The following GOLGA3 variants were observed in gnomAD, a reference collection of about 807,000 sequenced individuals.
GOLGA3 encodes the protein golgin subfamily A member 3.
Under a neutral mutation model 169.4 loss-of-function variants are expected in GOLGA3, and 75 were observed. The ratio of observed to expected loss-of-function variants is 0.44; its 90% CI spans 0.37 to 0.54. The LOEUF is 0.54. Ranked by LOEUF, GOLGA3 falls within the 20% of genes least tolerant of loss-of-function variation. GOLGA3 has a pLI of 0.00. For synonymous variants in GOLGA3, 824 were observed against 822.4 expected (o/e 1.00, Z -0.03); for missense variants, 1,899 against 1,930.0 (o/e 0.98, Z 0.30).
At position 132,788,519 on chromosome 12, in the gene GOLGA3, C is replaced by G. The variant is rs2046046992; in HGVS notation, c.2811+508G>C. Among the ~76,000 whole-genome samples the G allele has an allele frequency of 3.9e-5, 6 of 152,294 alleles. No individual in the cohort carries two copies. In the South Asian group the frequency reaches 6.2e-4, roughly 16 times the overall value. ...CTGTCACCAGCATCTCGGACACCCA[C>G]TGTGTGCAGAAGCCAGCCCAGGCTC... On this transcript the variant is annotated intron_variant, in intron 13 of 23. Coordinates refer to ENST00000450791, the MANE Select transcript of GOLGA3 (RefSeq NM_001389683.1).
chr12:132,813,642 G>T (rs1282517652), intron 3 of GOLGA3, among the ~76,000 whole-genome samples: 1 of 152,044 alleles, frequency 6.6e-6, no homozygotes, highest in African/African-American at 2.4e-5. Context: ...CAGTGGCCAG[G>T]CACTGGGTCT....
In GOLGA3 at chr12:132,780,901, A is replaced by G. The variant is rs201621334; in HGVS notation, c.3479T>C (p.Leu1160Ser). ...VQLNLQVQAVLQRKEEEDRQM... is the reference protein window; with the variant it reads ...VQLNLQVQAVSQRKEEEDRQM... ...GCGATCCTCCTCTTCTTTGCGCTGCAAAACTGCCTGCACCTAGATCAGATT... is the reference window on the plus strand; with the variant it reads ...GCGATCCTCCTCTTCTTTGCGCTGCGAAACTGCCTGCACCTAGATCAGATT... Residue 1160 changes from leucine to serine, a missense_variant, in exon 18 of 24, where the codon TTG becomes TCG. Physicochemically the swap from Leu to Ser is moderately radical, Grantham distance 145. Coordinates refer to ENST00000450791, the MANE Select transcript of GOLGA3 (RefSeq NM_001389683.1). 1.9e-6 allele frequency: 3 copies of G among 1,610,940 alleles called. No individual in the cohort carries two copies. The highest frequency in any genetic ancestry group is 2.5e-6 in the Non-Finnish European group (3 of 1,179,680).
At chr12:132,792,396 G>A (rs992129156) in intron 11 of GOLGA3, among the ~76,000 whole-genome samples, 2 of 152,260 alleles carry the variant, frequency 1.3e-5, no homozygotes, top group Non-Finnish European at 2.9e-5. Flanking sequence ...AGGCGAGCGA[G>A]CAGGGCTGTT....
chr12:132,780,711 G>A lies in GOLGA3; in HGVS notation c.3582+87C>T, dbSNP rs147041257. 5.9e-3 allele frequency: 4,848 copies of A among 820,538 alleles called. 30 individuals carry two copies. Among genetic ancestry groups the A allele is most frequent in the South Asian group, 0.01 (715 of 70,690 alleles). 50.8% of individuals were successfully genotyped at this position (820,538 alleles called of 1,614,324 possible). On this transcript the variant is annotated intron_variant, in intron 18 of 23. Transcript: ENST00000450791. ...CTTTGCTCTGTGTAACTGCTGGAAG[G>A]AGGCTGGTGTGTGAAGGACCCTGCA...
At chr12:132,786,654 CCTG>C in intron 14 of GOLGA3, 36 bp downstream of exon 14, 1 of 1,491,206 alleles carries the variant, frequency 6.7e-7, no homozygotes, top group Non-Finnish European at 9.3e-7. Context: ...GCACCTCCCA[CCTG>C]GCCCCCGCAC....
At chr12:132,827,263 A>C (rs1211679981) in intron 1 of GOLGA3, among the ~76,000 whole-genome samples, 1 of 152,256 alleles carries the variant, frequency 6.6e-6, no homozygotes, top group African/African-American at 2.4e-5. Context: ...ACTAGTATCC[A>C]AAAGTAAACA....
rs1343609607 is a variant in GOLGA3 at position 132,804,749 on chromosome 12, T to G, written c.1564A>C (p.Met522Leu). The change falls in exon 7 of 24, where the codon ATG (methionine) becomes CTG (leucine). Residue 522 changes from methionine to leucine, a missense_variant. Met to Leu is a conservative substitution (Grantham distance 15). Transcript: ENST00000450791. The surrounding 1 kb of genome is among the most constrained non-coding windows in gnomAD (Gnocchi z 4.1). Reference sequence around the variant, plus strand: ...TCCTTGCTGAGCATGCTCCTCTGCATGTCCTCTACCTTGGCCATAAGCCTC... The same window carrying G: ...TCCTTGCTGAGCATGCTCCTCTGCAGGTCCTCTACCTTGGCCATAAGCCTC... Reference protein sequence around the residue: ...YQRLMAKVEDMQRSMLSKDNT... With the variant: ...YQRLMAKVEDLQRSMLSKDNT... 1 of 1,614,156 alleles carries G rather than the reference T, an allele frequency of 6.2e-7. No individual in the cohort carries two copies. The highest frequency in any genetic ancestry group is 8.5e-7 in the Non-Finnish European group (1 of 1,179,974).
At chr12:132,788,537 C>T (rs906846493) in intron 13 of GOLGA3, among the ~76,000 whole-genome samples, 75 of 152,294 alleles carry the variant, frequency 4.9e-4, no homozygotes, top group African/African-American at 1.6e-3. Context: ...AGAAGCCAGC[C>T]CAGGCTCAGC....
In GOLGA3 at chr12:132,769,327, G is replaced by T. The variant is rs527339851; in HGVS notation, c.*3778C>A. The T allele has an allele frequency of 2.6e-5, 4 of 152,192 alleles. No homozygotes were observed. In the East Asian group the frequency reaches 7.7e-4, roughly 29 times the overall value. The allele number at this position is 152,192 out of a possible 1,614,324, so 9.4% of individuals were successfully genotyped here. On this transcript the variant is annotated 3_prime_UTR_variant, in exon 24 of 24. Transcript: ENST00000450791. ...GTCCCTCCCCTCCTAGAATCTTCAC[G>T]TACAACATTCTGTTTTTGTTTTTAA...
In GOLGA3 at chr12:132,798,242, A is replaced by T. The variant is rs112604435; in HGVS notation, c.1938+98T>A. On this transcript the variant is annotated intron_variant, in intron 9 of 23. Coordinates refer to ENST00000450791, the MANE Select transcript of GOLGA3 (RefSeq NM_001389683.1). ...CCCGCCATCCATGAGAATATTTAAG[A>T]GATACACACAGAGAGACGGAACATG... 6.0e-5 allele frequency: 68 copies of T among 1,141,854 alleles called. No homozygotes were observed. The East Asian group carries it at 1.8e-3, about 30-fold the overall frequency. 70.7% of individuals were successfully genotyped at this position (1,141,854 alleles called of 1,614,324 possible).
At chr12:132,779,038 G>A (rs1273180809) in intron 18 of GOLGA3, among the ~76,000 whole-genome samples, 1 of 152,206 alleles carries the variant, frequency 6.6e-6, no homozygotes, top group Non-Finnish European at 1.5e-5. Context: ...TGAGGCCTGT[G>A]GGGCCAAGAG....
At chr12:132,814,070 G>T (rs1315731447) in intron 3 of GOLGA3, among the ~76,000 whole-genome samples, 3 of 136,336 alleles carry the variant, frequency 2.2e-5, no homozygotes, top group Admixed American at 1.6e-4. Context: ...TGTTGCCCAG[G>T]CTGGAGTGCA....
At chr12:132,814,276 G>C (rs1191495079) in intron 3 of GOLGA3, among the ~76,000 whole-genome samples, 1 of 151,934 alleles carries the variant, frequency 6.6e-6, no homozygotes, top group Non-Finnish European at 1.5e-5. Context: ...CGCCCACCTC[G>C]GCCTCTCAAA....
At chr12:132,812,633 T>C (rs1174262064) in intron 4 of GOLGA3, among the ~76,000 whole-genome samples, 1 of 152,158 alleles carries the variant, frequency 6.6e-6, no homozygotes, top group African/African-American at 2.4e-5. Context: ...ACTGCAGATG[T>C]GGTGGAAACA....
At chr12:132,775,712 C>T (rs1003237114) in intron 21 of GOLGA3, among the ~76,000 whole-genome samples, 1 of 152,112 alleles carries the variant, frequency 6.6e-6, no homozygotes, top group Admixed American at 6.6e-5. Flanking sequence ...CCAGGCCTGG[C>T]CAGGTTTTGG....
Position 132,774,148 on chromosome 12 carries a change from C to T in GOLGA3, c.4307+9G>A, listed in dbSNP as rs1272767799. 45 of 1,579,684 alleles carry T rather than the reference C, an allele frequency of 2.8e-5. No homozygotes were observed. The highest frequency in any genetic ancestry group is 4.6e-5 in the South Asian group (4 of 87,014). ...ACTAGCTGAAGTGCAGCACGGAATA[C>T]GGTCGTACTTGAGCTGCTGGAGGCA... On this transcript the variant is annotated intron_variant, in intron 23 of 23. Transcript: ENST00000450791.
At chr12:132,812,190 A>AACAC in intron 4 of GOLGA3, among the ~76,000 whole-genome samples, 1 of 23,526 alleles carries the variant, frequency 4.3e-5, no homozygotes, top group Non-Finnish European at 8.8e-5. Flanking sequence ...TCTGTCTCAA[A>AACAC]ATACACACAC....
intron 1 of GOLGA3, among the ~76,000 whole-genome samples, chr12:132,825,393 C>T (rs935146017): frequency 1.7e-4 from 26 of 152,236 alleles, no homozygotes; most frequent in African/African-American, 6.0e-4. Context: ...TCCTTGAAGA[C>T]AGAGACTCAT....
intron 13 of GOLGA3, among the ~76,000 whole-genome samples, chr12:132,788,191 G>A (rs2046027606): frequency 1.3e-5 from 2 of 152,090 alleles, no homozygotes. Flanking sequence ...CAACAATGAT[G>A]GTGCCGGCCA....
Sources: allele counts gnomAD v4.1 joint callset (sites outside exome capture counted in the v4.1 genomes callset), GRCh38; gene constraint gnomAD v4.1.1; non-coding constraint Gnocchi (gnomAD v3.1); transcripts MANE v1.5; gene names NCBI Gene and HGNC (gene_info 2026-07-23, HGNC 2026-07-21).